The following SNTN variants were observed in gnomAD, a reference collection of about 807,000 sequenced individuals.
SNTN encodes sentan.
A neutral mutation model predicts 12.3 loss-of-function variants in SNTN; 13 were observed. The ratio of observed to expected loss-of-function variants is 1.05; its 90% CI spans 0.69 to 1.67. The LOEUF is 1.67. SNTN is among the 40% of genes most tolerant of loss of function. The pLI is 0.00. For synonymous variants in SNTN, 69 were observed against 58.5 expected, an observed-to-expected ratio of 1.18 and a Z score of -0.82; for missense variants, 189 against 169.8, an observed-to-expected ratio of 1.11 and a Z score of -0.63.
At chr3:63,658,399 T>C (rs1266817172) in intron 2 of SNTN, among the ~76,000 whole-genome samples, 1 of 82,572 alleles carries the variant, frequency 1.2e-5, no homozygotes, top group African/African-American at 3.8e-5. Flanking sequence ...TCACAAGTTG[T>C]AAATATATAT....
rs961897805 is a variant in SNTN at position 63,658,881 on chromosome 3, C to T, written c.146-844C>T. On this transcript the variant is annotated intron_variant, in intron 2 of 3. Coordinates refer to ENST00000343837, the MANE Select transcript of SNTN (RefSeq NM_001080537.2). ...ATTTTCTTCAGATTCATTCATTTAA[C>T]AGCATTTATTAGCACCTACAATGTA... is the stretch of plus-strand genomic sequence containing the variant. Among the ~76,000 whole-genome samples, 7 of 152,276 alleles carry T rather than the reference C, an allele frequency of 4.6e-5. 1 individual carries two copies. The highest frequency in any genetic ancestry group is 3.9e-4 in the Admixed American group (6 of 15,292).
chr3:63,657,643 A>G (rs1469458315), intron 2 of SNTN, among the ~76,000 whole-genome samples: 1 of 152,156 alleles, frequency 6.6e-6, no homozygotes, highest in Non-Finnish European at 1.5e-5. Flanking sequence ...AGATGCAGGA[A>G]AAGAATGGGA....
At chr3:63,660,041 T>G (rs1700727339) in intron 3 of SNTN, among the ~76,000 whole-genome samples, 177 bp downstream of exon 3, 2 of 151,678 alleles carry the variant, frequency 1.3e-5, no homozygotes, top group South Asian at 4.2e-4. Flanking sequence ...AAGACAGCAA[T>G]CCCCAGCAGA....
At chr3:63,653,204 A>G (rs575958921) in intron 1 of SNTN, among the ~76,000 whole-genome samples, 60 of 152,064 alleles carry the variant, frequency 3.9e-4, no homozygotes, top group Non-Finnish European at 5.0e-4. Context: ...AGTTTCAAAA[A>G]CCTTTTGTGG....
Position 63,665,049 on chromosome 3 carries a change from G to T in SNTN, c.*954G>T, listed in dbSNP as rs985103704. Among the ~76,000 whole-genome samples the T allele has an allele frequency of 2.0e-5, 3 of 152,152 alleles. No homozygotes were observed. The highest frequency in any genetic ancestry group is 7.2e-5 in the African/African-American group (3 of 41,442). ...ATTACAGGCTTGAGCCACCAAGTCT[G>T]GCCAAGGGGACTTTTAAGGGGGCTG... On this transcript the variant is annotated 3_prime_UTR_variant, in exon 4 of 4. Coordinates refer to ENST00000343837, the MANE Select transcript of SNTN (RefSeq NM_001080537.2).
intron 3 of SNTN, 109 bp downstream of exon 3, chr3:63,659,973 T>A: frequency 7.5e-7 from 1 of 1,340,644 alleles, no homozygotes; most frequent in Non-Finnish European, 1.0e-6. Flanking sequence ...ACGTAACAAA[T>A]GTTTATTGAA....
intron 3 of SNTN, 108 bp downstream of exon 3, chr3:63,659,972 A>G: frequency 3.0e-6 from 4 of 1,337,204 alleles, no homozygotes; most frequent in Non-Finnish European, 4.2e-6. Context: ...CACGTAACAA[A>G]TGTTTATTGA....
chr3:63,657,722 A>G (rs1700696200), intron 2 of SNTN, among the ~76,000 whole-genome samples: 1 of 152,216 alleles, frequency 6.6e-6, no homozygotes, highest in African/African-American at 2.4e-5. Context: ...AGAGGGTCAA[A>G]AAATATCTGG....
intron 2 of SNTN, among the ~76,000 whole-genome samples, chr3:63,655,488 A>G (rs2106938828): frequency 6.6e-6 from 1 of 152,256 alleles, no homozygotes; most frequent in East Asian, 1.9e-4. Flanking sequence ...TCATGGAACT[A>G]TTTTTATATT....
At position 63,665,051 on chromosome 3, in the gene SNTN, C is replaced by A. The variant is rs1372484372; in HGVS notation, c.*956C>A. 1.3e-5 allele frequency among the ~76,000 whole-genome samples: 2 copies of A among 152,080 alleles called. No homozygotes were observed. Among genetic ancestry groups the A allele is most frequent in the African/African-American group, 4.8e-5 (2 of 41,398 alleles). On this transcript the variant is annotated 3_prime_UTR_variant, in exon 4 of 4. Transcript: ENST00000343837. ...TACAGGCTTGAGCCACCAAGTCTGG[C>A]CAAGGGGACTTTTAAGGGGGCTGGA...
chr3:63,652,680 A>G lies in SNTN; in HGVS notation c.-8A>G, dbSNP rs1700631738. The G allele has an allele frequency of 6.2e-7, 1 of 1,612,338 alleles. No individual in the cohort carries two copies. Among genetic ancestry groups the G allele is most frequent in the South Asian group, 1.1e-5 (1 of 90,844 alleles). ...AGGAAGGACTGACACAAAACAGAAG[A>G]TGAGAGAATGGGTGGCTGTATGCAC... On this transcript the variant is annotated 5_prime_UTR_variant, in exon 1 of 4. It removes an upstream start codon present in the reference 5' UTR. Transcript: ENST00000343837.
At chr3:63,663,519 G>A (rs1700765316) in intron 3 of SNTN, among the ~76,000 whole-genome samples, 2 of 152,168 alleles carry the variant, frequency 1.3e-5, no homozygotes, top group East Asian at 1.9e-4. Flanking sequence ...GGGCCTTATG[G>A]GAGGTGTTTG....
intron 3 of SNTN, among the ~76,000 whole-genome samples, chr3:63,662,974 G>C (rs936316421): frequency 6.6e-6 from 1 of 152,064 alleles, no homozygotes; most frequent in Non-Finnish European, 1.5e-5. Flanking sequence ...TGAACACTGT[G>C]AACATAGTTT....
At chr3:63,660,216 C>G (rs1003512426) in intron 3 of SNTN, among the ~76,000 whole-genome samples, 1 of 152,104 alleles carries the variant, frequency 6.6e-6, no homozygotes, top group African/African-American at 2.4e-5. Flanking sequence ...CAGGAGGTAG[C>G]TAGGCAAGGG....
At position 63,664,731 on chromosome 3, in the gene SNTN, TTTTA is replaced by T. The variant is rs2106946255; in HGVS notation, c.*640_*643del. 2.4e-5 allele frequency: 1 copy of T among 42,086 alleles called. No homozygotes were observed. Among genetic ancestry groups the T allele is most frequent in the African/African-American group, 2.4e-4 (1 of 4,208 alleles). 2.6% of individuals were successfully genotyped at this position (42,086 alleles called of 1,614,324 possible). On this transcript the variant is annotated 3_prime_UTR_variant, in exon 4 of 4. Coordinates refer to ENST00000343837, the MANE Select transcript of SNTN (RefSeq NM_001080537.2). ...GTCCACAAATGGCACAAGGGGAGTT[TTTTA>T]TTTTATTTTATTTTATTTTATTTTA...
chr3:63,660,725 G>A (rs534551126), intron 3 of SNTN, among the ~76,000 whole-genome samples: 2 of 152,184 alleles, frequency 1.3e-5, no homozygotes, highest in Admixed American at 1.3e-4. Context: ...TTTGAGGTGG[G>A]ATGGAGGTAG....
intron 2 of SNTN, among the ~76,000 whole-genome samples, chr3:63,659,439 C>T (rs1700717759): frequency 1.3e-5 from 2 of 152,144 alleles, no homozygotes; most frequent in South Asian, 4.2e-4. Flanking sequence ...AATTACAGAT[C>T]AGAAAACCAA....
intron 2 of SNTN, among the ~76,000 whole-genome samples, chr3:63,655,117 A>T (rs1289025409): frequency 1.3e-5 from 2 of 152,108 alleles, no homozygotes; most frequent in African/African-American, 4.8e-5. Flanking sequence ...CTAGAGCAGG[A>T]CCATGAGTAT....
chr3:63,654,589 A>C (rs922386057), intron 1 of SNTN, among the ~76,000 whole-genome samples, 173 bp from the exon 2 acceptor site: 1 of 152,212 alleles, frequency 6.6e-6, no homozygotes, highest in East Asian at 1.9e-4. Flanking sequence ...GCATTTCTTT[A>C]CTATGTGGCA....
Sources: gnomAD v4.1 joint callset for allele counts (sites outside exome capture counted in the v4.1 genomes callset) on GRCh38, gnomAD v4.1.1 for gene constraint, MANE v1.5 for transcripts, NCBI Gene and HGNC (gene_info 2026-07-23, HGNC 2026-07-21) for gene names.